RNF212: variants seen among roughly 807,000 people sequenced by gnomAD.
RNF212 encodes ring finger protein 212, also known as probable E3 SUMO-protein ligase RNF212.
A neutral mutation model predicts 34.7 loss-of-function variants in RNF212; 33 were observed. The observed-to-expected ratio is 0.95, with a 90% CI of 0.72 to 1.27. The LOEUF (loss-of-function observed/expected upper bound fraction) is 1.27. RNF212 is among the 50% of genes most tolerant of loss of function. The pLI, the probability that RNF212 is intolerant of heterozygous loss-of-function variation, is 0.00. For missense variants in RNF212, 377 were observed against 362.2 expected (o/e 1.04, Z -0.33); for synonymous variants, 140 against 136.1 (o/e 1.03, Z -0.20).
Position 1,072,779 on chromosome 4 carries a change from T to A in RNF212, c.*95A>T, listed in dbSNP as rs1475563651. On this transcript the variant is annotated 3_prime_UTR_variant, in exon 10 of 10. Coordinates refer to ENST00000433731, the MANE Select transcript of RNF212 (RefSeq NM_001131034.4). ...ATCCTGCACACTGAGGGCTTCCACATAAATGACAAAGGAATAAAGCAGATA... is the reference window on the plus strand; with the variant it reads ...ATCCTGCACACTGAGGGCTTCCACAAAAATGACAAAGGAATAAAGCAGATA... The A allele has an allele frequency of 1.4e-5, 21 of 1,463,946 alleles. No homozygotes were observed. Among genetic ancestry groups the A allele is most frequent in the South Asian group, 2.9e-5 (2 of 68,170 alleles). 90.7% of individuals were successfully genotyped at this position (1,463,946 alleles called of 1,614,324 possible).
chr4:1,107,386 A>G lies in RNF212; in HGVS notation c.171+957T>C, dbSNP rs115722303. The G allele has an allele frequency of 4.2e-3, 639 of 152,088 alleles. 2 individuals carry two copies. The highest frequency in any genetic ancestry group is 5.1e-3 in the Non-Finnish European group (344 of 68,028). 9.4% of individuals were successfully genotyped at this position (152,088 alleles called of 1,614,324 possible). A position where few individuals can be genotyped will look rare whatever the true frequency, so the allele number is the denominator to read the frequency against. On this transcript the variant is annotated intron_variant, in intron 2 of 9. Transcript: ENST00000433731. ...CATTTTTATGAAAAGGTAAATCACA[A>G]TAACACACATAGAATAGGTACCAAA...
intron 5 of RNF212, among the ~76,000 whole-genome samples, chr4:1,082,297 G>A (rs944147760): frequency 2.0e-5 from 3 of 152,186 alleles, no homozygotes; most frequent in Non-Finnish European, 4.4e-5. Flanking sequence ...TGTGACTCCC[G>A]GCCACAGAAG....
At chr4:1,058,396 G>C in intron 3 of RNF212, 1 of 980,900 alleles carries the variant, frequency 1.0e-6, no homozygotes, top group Non-Finnish European at 1.2e-6. Context: ...GACGCTGCCT[G>C]TGGTGGAACA....
intron 3 of RNF212, chr4:1,093,903 G>A (rs1400500517): frequency 3.9e-6 from 6 of 1,536,110 alleles, no homozygotes; most frequent in African/African-American, 1.4e-5. Context: ...CAGTGTTCTT[G>A]GGGATCTCTG....
At chr4:1,068,050 G>A (rs925547494), downstream of RNF212, among the ~76,000 whole-genome samples, 3 of 151,724 alleles carry the variant, frequency 2.0e-5, no homozygotes, top group Non-Finnish European at 2.9e-5. Flanking sequence ...TCCCCACACC[G>A]ATGTAGAGAT....
intron 2 of RNF212, among the ~76,000 whole-genome samples, chr4:1,104,576 C>T (rs989609070): frequency 6.6e-6 from 1 of 152,102 alleles, no homozygotes; most frequent in Admixed American, 6.5e-5. Flanking sequence ...AGCCAGGTGC[C>T]CAGGAAGAAA....
chr4:1,092,065 C>T (rs1722270748), intron 3 of RNF212, among the ~76,000 whole-genome samples: 3 of 152,256 alleles, frequency 2.0e-5, no homozygotes, highest in Non-Finnish European at 4.4e-5. Context: ...CTCAAAGCCA[C>T]ACTCAATTGT....
intron 4 of RNF212, among the ~76,000 whole-genome samples, chr4:1,057,225 G>C (rs751511830): frequency 6.6e-6 from 1 of 152,168 alleles, no homozygotes; most frequent in Non-Finnish European, 1.5e-5. Context: ...CCAGGCCAGC[G>C]GGGACGGGAG....
intron 5 of RNF212, among the ~76,000 whole-genome samples, chr4:1,082,437 C>T (rs184522492): frequency 2.0e-4 from 31 of 152,354 alleles, no homozygotes; most frequent in African/African-American, 7.5e-4. Context: ...AGGGGTGGGG[C>T]TGTCTCCTGG....
intron 8 of RNF212, among the ~76,000 whole-genome samples, chr4:1,075,941 C>T (rs1719224766): frequency 1.3e-5 from 2 of 152,126 alleles, no homozygotes; most frequent in South Asian, 2.1e-4. Flanking sequence ...GGATTACAGG[C>T]GTGAGGTACT....
At chr4:1,113,297 T>C in intron 1 of RNF212, 59 bp downstream of exon 1, 1 of 187,166 alleles carries the variant, frequency 5.3e-6, no homozygotes, top group Non-Finnish European at 7.9e-6. Context: ...TCCCCCGGAG[T>C]TCCCTGACCC....
At chr4:1,063,779 T>C in intron 3 of RNF212, among the ~76,000 whole-genome samples, 1 of 147,360 alleles carries the variant, frequency 6.8e-6, no homozygotes, top group Admixed American at 6.8e-5. Context: ...GAGGCTGAGG[T>C]GGGAGGATTG....
rs926356199 is a variant in RNF212 at position 1,071,479 on chromosome 4, A to G, written c.*1395T>C. 1 of 152,242 alleles carries G rather than the reference A, an allele frequency of 6.6e-6. No individual in the cohort carries two copies. Among genetic ancestry groups the G allele is most frequent in the African/African-American group, 2.4e-5 (1 of 41,474 alleles). The allele number at this position is 152,242 out of a possible 1,614,324, so 9.4% of individuals were successfully genotyped here. On this transcript the variant is annotated 3_prime_UTR_variant, in exon 10 of 10. Coordinates refer to ENST00000433731, the MANE Select transcript of RNF212 (RefSeq NM_001131034.4). Reference sequence around the variant, plus strand: ...AGGACAAGCCACAAAATGGAAGAATATATTTTCAAGATACATATTTATCTG... The same window carrying G: ...AGGACAAGCCACAAAATGGAAGAATGTATTTTCAAGATACATATTTATCTG...
intron 9 of RNF212, 55 bp downstream of exon 9, chr4:1,073,544 A>G: frequency 1.6e-6 from 2 of 1,237,250 alleles, no homozygotes; most frequent in Non-Finnish European, 2.4e-6. Flanking sequence ...CCTTTCAGGG[A>G]ATGCATTTTA....
intron 3 of RNF212, among the ~76,000 whole-genome samples, chr4:1,064,020 T>C (rs1360554762): frequency 6.7e-6 from 1 of 148,390 alleles, no homozygotes; most frequent in South Asian, 2.1e-4. Flanking sequence ...CATTCAAATA[T>C]GGAAAAAAAA....
intron 1 of RNF212, among the ~76,000 whole-genome samples, chr4:1,109,756 ACTTCACGCTACCTC>A (rs1725366997): frequency 6.6e-6 from 1 of 151,666 alleles, no homozygotes; most frequent in African/African-American, 2.4e-5. Flanking sequence ...AGAACAACCC[ACTTCACGCTACCTC>A]CTTCCTTTCT....
intron 3 of RNF212, among the ~76,000 whole-genome samples, chr4:1,058,973 C>G (rs921739836): frequency 6.6e-6 from 1 of 152,232 alleles, no homozygotes; most frequent in Admixed American, 6.5e-5. Context: ...GTGCCCCACC[C>G]GTGTTTGCTT....
Position 1,073,022 on chromosome 4 carries a change from T to C in RNF212, c.746A>G (p.Asn249Ser), listed in dbSNP as rs200415933. Reference protein sequence around the residue: ...FSSGRHGELTNSKTLPIYAEV... With the variant: ...FSSGRHGELTSSKTLPIYAEV... The stretch of plus-strand genomic sequence containing the variant: ...AGCATATATTGGAAGTGTTTTAGAG[T>C]TGGTGAGTTCCCCGTGCCTTCCAGA... The change falls in exon 10 of 10, where the codon AAC becomes AGC. Residue 249 changes from asparagine to serine, a missense_variant. Transcript: ENST00000433731. The C allele has an allele frequency of 1.2e-6, 2 of 1,614,034 alleles. No homozygotes were observed. Among genetic ancestry groups the C allele is most frequent in the Non-Finnish European group, 1.7e-6 (2 of 1,180,006 alleles).
intron 8 of RNF212, chr4:1,073,870 T>A: frequency 1.8e-6 from 1 of 566,520 alleles, no homozygotes. Flanking sequence ...GGGTATTACC[T>A]GATTACCTGT....
Sources: gnomAD v4.1 joint callset for allele counts (sites outside exome capture counted in the v4.1 genomes callset) on GRCh38, gnomAD v4.1.1 for gene constraint, MANE v1.5 for transcripts, NCBI Gene and HGNC (gene_info 2026-07-23, HGNC 2026-07-21) for gene names.